The following SERPINB7 variants were observed in gnomAD, a reference collection of about 807,000 sequenced individuals.
The protein encoded by SERPINB7 is serpin family B member 7.
Under a neutral mutation model 37.4 loss-of-function variants are expected in SERPINB7, and 31 were observed. That is an observed-to-expected ratio of 0.83 (90% CI 0.62 to 1.12). The LOEUF is 1.12. Among genes scored for constraint, SERPINB7 ranks in the 50% most tolerant of loss-of-function variants. The pLI, the probability that SERPINB7 is intolerant of heterozygous loss-of-function variation, is 0.00. For missense variants in SERPINB7, 521 were observed against 455.3 expected, an observed-to-expected ratio of 1.14 and a Z score of -1.31; for synonymous variants, 163 against 166.1, an observed-to-expected ratio of 0.98 and a Z score of 0.14.
rs2144642244 is a variant in SERPINB7 at position 63,798,720 on chromosome 18, A to G, written c.571A>G (p.Ile191Val). ...WQSAFTKSET[I>V]NCHFKSPKCS... ...ATCAGCCTTCACCAAGAGCGAAACCATAAATTGCCATTTCAAATCTCCCAA... is the reference window on the plus strand; with the variant it reads ...ATCAGCCTTCACCAAGAGCGAAACCGTAAATTGCCATTTCAAATCTCCCAA... The change falls in exon 6 of 8, where the codon ATA (isoleucine) becomes GTA (valine). Residue 191 changes from isoleucine to valine, a missense_variant. Transcript: ENST00000398019. 6.2e-7 allele frequency: 1 copy of G among 1,612,880 alleles called. No homozygotes were observed. Among genetic ancestry groups the G allele is most frequent in the South Asian group, 1.1e-5 (1 of 90,746 alleles).
At chr18:63,767,179 T>C (rs945109562) in intron 1 of SERPINB7, among the ~76,000 whole-genome samples, 1 of 152,098 alleles carries the variant, frequency 6.6e-6, no homozygotes, top group East Asian at 1.9e-4. Context: ...AAAAAAAATA[T>C]GCAGAGATTT....
chr18:63,770,748 G>A (rs1321802564), upstream of SERPINB7, among the ~76,000 whole-genome samples: 2 of 151,928 alleles, frequency 1.3e-5, no homozygotes, highest in African/African-American at 4.8e-5. Flanking sequence ...ATGAGCCATG[G>A]GCATTTGAGA....
At chr18:63,759,654 G>A (rs2049141670) in intron 1 of SERPINB7, among the ~76,000 whole-genome samples, 1 of 152,106 alleles carries the variant, frequency 6.6e-6, no homozygotes, top group Non-Finnish European at 1.5e-5. Flanking sequence ...TTCTCATCTT[G>A]AATTGTATCT....
intron 1 of SERPINB7, among the ~76,000 whole-genome samples, chr18:63,756,106 CA>C (rs1568197760): frequency 5.3e-5 from 8 of 151,820 alleles, no homozygotes; most frequent in African/African-American, 1.9e-4. Context: ...CACACACACA[CA>C]CACACACACA....
intron 1 of SERPINB7, among the ~76,000 whole-genome samples, chr18:63,754,830 G>A (rs574428612): frequency 7.4e-4 from 111 of 150,892 alleles, no homozygotes; most frequent in African/African-American, 2.6e-3. Flanking sequence ...GGACAGGCAG[G>A]GAAAATGTCC....
chr18:63,790,327 T>G (rs924275929), intron 2 of SERPINB7, among the ~76,000 whole-genome samples: 5 of 152,168 alleles, frequency 3.3e-5, no homozygotes, highest in Admixed American at 1.3e-4. Flanking sequence ...GTTCTCTTCT[T>G]TTGTCAGAAG....
intron 2 of SERPINB7, among the ~76,000 whole-genome samples, chr18:63,786,209 T>G (rs2049370074): frequency 1.8e-5 from 1 of 56,888 alleles, no homozygotes; most frequent in African/African-American, 8.5e-5. Context: ...GGCACATACG[T>G]GTATATATAT....
chr18:63,782,324 G>C, intron 1 of SERPINB7, 31 bp from the exon 2 acceptor site: 1 of 1,291,398 alleles, frequency 7.7e-7, no homozygotes, highest in Non-Finnish European at 1.0e-6. Flanking sequence ...AATGTACCGG[G>C]AACTAATTTC....
chr18:63,802,899 T>C (rs905796980), intron 7 of SERPINB7, among the ~76,000 whole-genome samples: 1 of 152,192 alleles, frequency 6.6e-6, no homozygotes, highest in Non-Finnish European at 1.5e-5. Flanking sequence ...AAGAGAAATG[T>C]CATAAAATTG....
intron 4 of SERPINB7, among the ~76,000 whole-genome samples, chr18:63,794,711 C>CA (rs2049468726): frequency 1.5e-5 from 2 of 132,398 alleles, no homozygotes; most frequent in East Asian, 5.3e-4. Context: ...AACAAATAAA[C>CA]AAAAAAACAA....
upstream of SERPINB7, among the ~76,000 whole-genome samples, chr18:63,773,535 C>G (rs1235703461): frequency 1.3e-5 from 2 of 152,208 alleles, no homozygotes; most frequent in African/African-American, 4.8e-5. Context: ...GAGTTCACAG[C>G]CTTCTCTACT....
chr18:63,782,425 A>G lies in SERPINB7; in HGVS notation c.53A>G (p.Glu18Gly). The G allele has an allele frequency of 1.2e-6, 2 of 1,614,144 alleles. No individual in the cohort carries two copies. Among genetic ancestry groups the G allele is most frequent in the Non-Finnish European group, 1.7e-6 (2 of 1,180,022 alleles). Residue 18 changes from glutamate to glycine, a missense_variant, in exon 2 of 8, where the codon GAG becomes GGG. Glu to Gly is a moderately conservative substitution (Grantham distance 98, BLOSUM62 -2). Coordinates refer to ENST00000398019, the MANE Select transcript of SERPINB7 (RefSeq NM_003784.4). ...GAGTTTTGCTTCAACCTGTTCAGAG[A>G]GATGGATGACAATCAAGGAAATGGA... ...NAEFCFNLFR[E>G]MDDNQGNGNV...
rs112781886 is a variant in SERPINB7 at position 63,775,524 on chromosome 18, T to C, written c.-211T>C. 84 of 152,186 alleles carry C rather than the reference T, an allele frequency of 5.5e-4. No homozygotes were observed. The highest frequency in any genetic ancestry group is 2.0e-3 in the African/African-American group (82 of 41,440). The allele number at this position is 152,186 out of a possible 1,614,324, so 9.4% of individuals were successfully genotyped here. ...AATTTTTGTCTAGAAATGCTGACTT[T>C]GGTTCATTAGGTAGTGGTAAAACAG... On this transcript the variant is annotated 5_prime_UTR_variant, in exon 1 of 8. Coordinates refer to ENST00000398019, the MANE Select transcript of SERPINB7 (RefSeq NM_003784.4).
chr18:63,774,270 C>T (rs74563787), upstream of SERPINB7, among the ~76,000 whole-genome samples: 1,378 of 152,208 alleles, frequency 9.1e-3, 20 homozygotes, highest in African/African-American at 0.032. Flanking sequence ...ACAGGACCCC[C>T]TTCTTCCTGG....
upstream of SERPINB7, among the ~76,000 whole-genome samples, chr18:63,771,034 G>T (rs565733327): frequency 2.0e-5 from 3 of 150,116 alleles, no homozygotes; most frequent in Non-Finnish European, 3.0e-5. Context: ...TGCAGTTTGC[G>T]TGGTGGGGTG....
intron 3 of SERPINB7, 36 bp downstream of exon 3, chr18:63,792,479 T>G: frequency 7.0e-7 from 1 of 1,423,148 alleles, no homozygotes; most frequent in Non-Finnish European, 9.9e-7. Flanking sequence ...AAAGAGAAGG[T>G]GAGCCAGGTG....
intron 1 of SERPINB7, among the ~76,000 whole-genome samples, chr18:63,780,466 C>T (rs2049290578): frequency 1.3e-5 from 2 of 152,166 alleles, no homozygotes; most frequent in African/African-American, 4.8e-5. Context: ...GCTAGTATCA[C>T]TCACTGTATA....
intron 1 of SERPINB7, among the ~76,000 whole-genome samples, chr18:63,754,749 T>C (rs1406984048): frequency 6.6e-6 from 1 of 152,138 alleles, no homozygotes; most frequent in Non-Finnish European, 1.5e-5. Context: ...ACTTTAGAAA[T>C]ACTTCCACCA....
At chr18:63,797,014 C>A (rs967402900) in intron 5 of SERPINB7, among the ~76,000 whole-genome samples, 2 of 152,124 alleles carry the variant, frequency 1.3e-5, no homozygotes, top group African/African-American at 4.8e-5. Context: ...GTAGTACCTT[C>A]CAGAAAAAGT....
Sources: allele counts gnomAD v4.1 joint callset (sites outside exome capture counted in the v4.1 genomes callset), GRCh38; gene constraint gnomAD v4.1.1; transcripts MANE v1.5; gene names NCBI Gene and HGNC (gene_info 2026-07-23, HGNC 2026-07-21).